CADM3: variants seen among roughly 807,000 people sequenced by gnomAD.
CADM3 encodes cell adhesion molecule 3.
In CADM3, 11 loss-of-function variants were observed where a neutral mutation model predicts 44.9. The ratio of observed to expected loss-of-function variants is 0.25; its 90% CI spans 0.15 to 0.41. CADM3 has a LOEUF of 0.41. Ranked by LOEUF, CADM3 falls within the 10% of genes least tolerant of loss-of-function variation. The probability of loss-of-function intolerance (pLI) is 1.00; values close to 1 mark genes in which losing one functional copy is unlikely to be tolerated. For missense variants in CADM3, 426 were observed against 512.0 expected, an observed-to-expected ratio of 0.83 and a Z score of 1.62; for synonymous variants, 207 against 205.2, an observed-to-expected ratio of 1.01 and a Z score of -0.08.
chr1:159,180,986 T>C (rs1396810408), intron 1 of CADM3, among the ~76,000 whole-genome samples: 2 of 152,110 alleles, frequency 1.3e-5, no homozygotes, highest in African/African-American at 4.8e-5. Flanking sequence ...CTGGGATGGG[T>C]AGTGCAGAGT....
chr1:159,174,920 A>C (rs1333621952), intron 1 of CADM3, among the ~76,000 whole-genome samples: 1 of 152,238 alleles, frequency 6.6e-6, no homozygotes, highest in Non-Finnish European at 1.5e-5. Context: ...GGGTAAAGAT[A>C]GATAGACGGA....
At chr1:159,191,554 C>T (rs1472854328) in intron 1 of CADM3, among the ~76,000 whole-genome samples, 2 of 152,116 alleles carry the variant, frequency 1.3e-5, no homozygotes, top group Non-Finnish European at 1.5e-5. Flanking sequence ...GAAGGCCAAA[C>T]GTAGAACAAC....
At chr1:159,196,852 A>G (rs1418778664) in intron 6 of CADM3, 39 bp from the exon 7 acceptor site, 3 of 1,593,894 alleles carry the variant, frequency 1.9e-6, no homozygotes, top group African/African-American at 1.4e-5. Flanking sequence ...TCCCTGGCCT[A>G]TGCTCTCCTG....
At chr1:159,180,838 T>C (rs182867470) in intron 1 of CADM3, among the ~76,000 whole-genome samples, 35 of 152,256 alleles carry the variant, frequency 2.3e-4, no homozygotes, top group Non-Finnish European at 4.0e-4. Context: ...AAATTAAACT[T>C]TTCCACAGCA....
intron 1 of CADM3, among the ~76,000 whole-genome samples, chr1:159,176,350 G>T (rs562218096): frequency 6.6e-6 from 1 of 152,070 alleles, no homozygotes; most frequent in Non-Finnish European, 1.5e-5. Flanking sequence ...TCCTGTATGG[G>T]GTCTTGTTTT....
At chr1:159,173,124 G>C (rs1377882995) in intron 1 of CADM3, among the ~76,000 whole-genome samples, 1 of 151,812 alleles carries the variant, frequency 6.6e-6, no homozygotes. Context: ...GGCTATGCCC[G>C]GCCAGATGCC....
chr1:159,197,365 G>A (rs1208191386), intron 7 of CADM3: 1 of 269,944 alleles, frequency 3.7e-6, no homozygotes, highest in African/African-American at 2.2e-5. Flanking sequence ...AATTCTGTGT[G>A]CAGAGGCCCC....
chr1:159,193,073 G>A (rs1249585162), intron 3 of CADM3, among the ~76,000 whole-genome samples: 1 of 152,098 alleles, frequency 6.6e-6, no homozygotes, highest in Non-Finnish European at 1.5e-5. Context: ...TACCCCAGTT[G>A]CTTACATGCT....
At chr1:159,187,241 A>G (rs1649453324) in intron 1 of CADM3, among the ~76,000 whole-genome samples, 1 of 152,240 alleles carries the variant, frequency 6.6e-6, no homozygotes, top group Non-Finnish European at 1.5e-5. Context: ...GAGCCAATTA[A>G]ATGTACCGAG....
At chr1:159,196,157 C>T in intron 5 of CADM3, 1 of 544,612 alleles carries the variant, frequency 1.8e-6, no homozygotes, top group Non-Finnish European at 3.3e-6. Context: ...TTCCAGAATC[C>T]TATCACACAA....
At chr1:159,181,753 G>T (rs1369183148) in intron 1 of CADM3, among the ~76,000 whole-genome samples, 3 of 152,116 alleles carry the variant, frequency 2.0e-5, no homozygotes, top group Admixed American at 1.3e-4. Flanking sequence ...GCTCCCTCCT[G>T]GTGCTAATGC....
At chr1:159,189,659 C>A in intron 1 of CADM3, 1 of 757,048 alleles carries the variant, frequency 1.3e-6, no homozygotes, top group Non-Finnish European at 2.2e-6. Flanking sequence ...TCCTGGTGAA[C>A]CTATTTTTCA....
intron 1 of CADM3, among the ~76,000 whole-genome samples, chr1:159,183,647 G>T (rs567435645): frequency 2.0e-5 from 3 of 152,212 alleles, no homozygotes; most frequent in African/African-American, 7.2e-5. Context: ...GGGACAAGAG[G>T]CCTTTCCCTG....
rs1181717578 is a variant in CADM3 at position 159,201,724 on chromosome 1, T to A, written c.*802T>A. 6.6e-6 allele frequency: 1 copy of A among 152,520 alleles called. No individual in the cohort carries two copies. Among genetic ancestry groups the A allele is most frequent in the Non-Finnish European group, 1.5e-5 (1 of 68,070 alleles). The allele number at this position is 152,520 out of a possible 1,614,324, so 9.4% of individuals were successfully genotyped here. On this transcript the variant is annotated 3_prime_UTR_variant, in exon 9 of 9. Transcript: ENST00000368125. ...GGGCCCTTTCCATAGGAACTGCCCT[T>A]GGAGATAGCAGAGTGTGGCTGCCCC...
intron 6 of CADM3, 168 bp from the exon 7 acceptor site, chr1:159,196,723 A>T (rs1452521500): frequency 1.0e-5 from 7 of 695,066 alleles, no homozygotes; most frequent in Non-Finnish European, 1.7e-5. Context: ...CCCAGAACGA[A>T]CCCCAAGAGG....
intron 5 of CADM3, chr1:159,194,933 A>G (rs1399297377): frequency 2.0e-5 from 3 of 152,238 alleles, no homozygotes; most frequent in Non-Finnish European, 4.4e-5. Flanking sequence ...AATCAGCTAA[A>G]GTCCAATGGG....
At chr1:159,182,637 G>C (rs1405863027) in intron 1 of CADM3, among the ~76,000 whole-genome samples, 1 of 152,052 alleles carries the variant, frequency 6.6e-6, no homozygotes, top group Non-Finnish European at 1.5e-5. Context: ...AGGTGCAACA[G>C]AAAGAAAAAA....
chr1:159,192,549 C>A (rs867156364), intron 2 of CADM3, 29 bp from the exon 3 acceptor site: 1 of 1,613,900 alleles, frequency 6.2e-7, no homozygotes, highest in Admixed American at 1.7e-5. Flanking sequence ...CAGTAAAATC[C>A]TAGCTTTCCA....
rs1650189105 is a variant in CADM3, at chr1:159,201,273, G to C, written c.*351G>C. 1.3e-5 allele frequency: 2 copies of C among 156,420 alleles called. No individual in the cohort carries two copies. Among genetic ancestry groups the C allele is most frequent in the African/African-American group, 4.8e-5 (2 of 41,516 alleles). The allele number at this position is 156,420 out of a possible 1,614,324, so 9.7% of individuals were successfully genotyped here. On this transcript the variant is annotated 3_prime_UTR_variant, in exon 9 of 9. Coordinates refer to ENST00000368125, the MANE Select transcript of CADM3 (RefSeq NM_001127173.3). ...AAAACAAACAAAAAACAAAACCCTG[G>C]AGTGTTAGGAGGAGAGTGAAGGTAG...
Sources: allele counts gnomAD v4.1 joint callset (sites outside exome capture counted in the v4.1 genomes callset), GRCh38; gene constraint gnomAD v4.1.1; transcripts MANE v1.5; gene names NCBI Gene and HGNC (gene_info 2026-07-23, HGNC 2026-07-21).